The following ADAM10 variants were observed in gnomAD, a reference collection of about 807,000 sequenced individuals.
ADAM10 encodes disintegrin and metalloproteinase domain-containing protein 10.
A neutral mutation model predicts 90.1 loss-of-function variants in ADAM10; 17 were observed. That is an observed-to-expected ratio of 0.19 (90% CI 0.13 to 0.28). The LOEUF is 0.28. Ranked by LOEUF, ADAM10 falls within the 10% of genes least tolerant of loss-of-function variation. The probability of loss-of-function intolerance (pLI) is 1.00; values close to 1 mark genes in which losing one functional copy is unlikely to be tolerated. For synonymous variants in ADAM10, 310 were observed against 298.6 expected (o/e 1.04, Z -0.40); for missense variants, 610 against 914.3 (o/e 0.67, Z 4.29).
chr15:58,688,786 A>ATATATATATATATATATATCTCTCTCTC, intron 2 of ADAM10, among the ~76,000 whole-genome samples: 4 of 122,376 alleles, frequency 3.3e-5, no homozygotes, highest in African/African-American at 1.4e-4. Context: ...ATATATATAT[A>ATATATATATATATATATATCTCTCTCTC]TCTCTCTCTC....
chr15:58,599,740 T>G lies in ADAM10; in HGVS notation c.2026-16A>C, dbSNP rs1895057705. The G allele has an allele frequency of 2.5e-6, 4 of 1,570,486 alleles. No individual in the cohort carries two copies. The highest frequency in any genetic ancestry group is 3.4e-6 in the Non-Finnish European group (4 of 1,171,174). ...ACCAATGAGCCTAGAAATAAACAGA[T>G]TTTTCCACTGAAAAAAAAAAAACTA... On this transcript the variant is annotated splice_polypyrimidine_tract_variant and intron_variant, in intron 14 of 15. Transcript: ENST00000260408.
At chr15:58,693,602 T>G (rs1396593528) in intron 2 of ADAM10, among the ~76,000 whole-genome samples, 1 of 152,118 alleles carries the variant, frequency 6.6e-6, no homozygotes, top group African/African-American at 2.4e-5. Flanking sequence ...CAATACAGAC[T>G]TACATGTAAA....
Position 58,633,128 on chromosome 15 carries a change from A to C in ADAM10, c.1176+68T>G, listed in dbSNP as rs565248976. 3.5e-5 allele frequency: 50 copies of C among 1,445,588 alleles called. No homozygotes were observed. In the South Asian group the frequency reaches 5.6e-4, roughly 16 times the overall value. The allele number at this position is 1,445,588 out of a possible 1,614,324, so 89.5% of individuals were successfully genotyped here. A position where few individuals can be genotyped will look rare whatever the true frequency, so the allele number is the denominator to read the frequency against. On this transcript the variant is annotated intron_variant, in intron 9 of 15. Coordinates refer to ENST00000260408, the MANE Select transcript of ADAM10 (RefSeq NM_001110.4). ...ACATTTGTTTTCACGGTGAATTTTA[A>C]ATAAATCACTCAACATAAAAATTAG...
At chr15:58,627,630 TATAGA>T in intron 10 of ADAM10, 65 bp downstream of exon 10, 1 of 1,396,520 alleles carries the variant, frequency 7.2e-7, no homozygotes. Context: ...CAGTAATCAC[TATAGA>T]ATTCTTTCAA....
chr15:58,703,509 C>G (rs1898190042), intron 2 of ADAM10, among the ~76,000 whole-genome samples: 1 of 152,088 alleles, frequency 6.6e-6, no homozygotes, highest in African/African-American at 2.4e-5. Context: ...GAATATTGTT[C>G]AGCCCTAAAA....
Position 58,656,662 on chromosome 15 carries a change from G to A in ADAM10, c.585+8435C>T, listed in dbSNP as rs190744749. Among the ~76,000 whole-genome samples, 301 of 152,016 alleles carry A rather than the reference G, an allele frequency of 2.0e-3. 1 individual carries two copies. The highest frequency in any genetic ancestry group is 6.8e-3 in the African/African-American group (281 of 41,390). ...TTGTTTCTATTCATGCCTTATTGTA[G>A]TGTCTATATCCTGAAGAGTTATTTT... On this transcript the variant is annotated intron_variant, in intron 5 of 15. Coordinates refer to ENST00000260408, the MANE Select transcript of ADAM10 (RefSeq NM_001110.4).
intron 8 of ADAM10, among the ~76,000 whole-genome samples, chr15:58,635,696 C>T (rs1896232517): frequency 6.6e-6 from 1 of 151,712 alleles, no homozygotes; most frequent in Middle Eastern, 3.4e-3. Context: ...AATATCCTGC[C>T]TTAGTGAAGA....
chr15:58,611,365 A>C (rs1895432765), intron 12 of ADAM10: 1 of 456,590 alleles, frequency 2.2e-6, no homozygotes, highest in Admixed American at 3.8e-5. Flanking sequence ...GCAGAGCAAG[A>C]GATTAGATGA....
intron 3 of ADAM10, among the ~76,000 whole-genome samples, chr15:58,680,626 CA>C (rs1473815798): frequency 1.3e-5 from 2 of 152,144 alleles, no homozygotes; most frequent in Non-Finnish European, 2.9e-5. Flanking sequence ...GCACCAAAAT[CA>C]AATGACATAA....
chr15:58,712,034 T>C (rs1466997883), intron 2 of ADAM10, among the ~76,000 whole-genome samples: 2 of 152,130 alleles, frequency 1.3e-5, no homozygotes, highest in Non-Finnish European at 2.9e-5. Flanking sequence ...CTAAAAGCTA[T>C]AAAAGCGATC....
intron 2 of ADAM10, chr15:58,686,598 G>T: frequency 9.5e-7 from 1 of 1,048,896 alleles, no homozygotes; most frequent in Non-Finnish European, 1.5e-6. Flanking sequence ...TGGGAACCCA[G>T]ATCCTGTGCT....
intron 5 of ADAM10, among the ~76,000 whole-genome samples, 162 bp from the exon 6 acceptor site, chr15:58,646,366 C>G (rs1227605551): frequency 6.6e-6 from 1 of 152,146 alleles, no homozygotes; most frequent in African/African-American, 2.4e-5. Flanking sequence ...GTCTCATAAT[C>G]TTCTCCATAT....
chr15:58,612,082 A>G, intron 11 of ADAM10, 91 bp from the exon 12 acceptor site: 1 of 1,250,142 alleles, frequency 8.0e-7, no homozygotes, highest in South Asian at 1.3e-5. Flanking sequence ...ATTATTAGAC[A>G]TAGTACCAAT....
chr15:58,683,651 C>G (rs1222270775), intron 2 of ADAM10, among the ~76,000 whole-genome samples: 1 of 151,918 alleles, frequency 6.6e-6, no homozygotes, highest in Non-Finnish European at 1.5e-5. Flanking sequence ...CATCTGAGGT[C>G]AGGAGTTCAA....
intron 4 of ADAM10, among the ~76,000 whole-genome samples, chr15:58,665,426 G>A (rs1848247004): frequency 6.6e-6 from 1 of 152,054 alleles, no homozygotes; most frequent in African/African-American, 2.4e-5. Context: ...TCATATAGAT[G>A]ATTTGTGAAT....
intron 11 of ADAM10, among the ~76,000 whole-genome samples, chr15:58,615,799 G>A (rs1002756250): frequency 2.0e-5 from 3 of 152,078 alleles, no homozygotes; most frequent in Non-Finnish European, 4.4e-5. Context: ...CCTGAGGTCA[G>A]GAGTTCAAGA....
At position 58,590,388 on chromosome 15, in the gene ADAM10, A is replaced by G. The variant is rs1894801240; in HGVS notation, c.*7159T>C. 6.6e-6 allele frequency: 1 copy of G among 152,258 alleles called. No homozygotes were observed. The highest frequency in any genetic ancestry group is 2.4e-5 in the African/African-American group (1 of 41,468). The allele number at this position is 152,258 out of a possible 1,614,324, so 9.4% of individuals were successfully genotyped here. A position where few individuals can be genotyped will look rare whatever the true frequency, so the allele number is the denominator to read the frequency against. ...GGGCAGGGAAACTGTTAAGTTCACT[A>G]CTGTATTCTTATCATCTAGCCAAGG... On this transcript the variant is annotated 3_prime_UTR_variant, in exon 16 of 16. Coordinates refer to ENST00000260408, the MANE Select transcript of ADAM10 (RefSeq NM_001110.4).
rs1898078007 is a variant in ADAM10 at position 58,699,692 on chromosome 15, A to AG, written c.207-17379dup. Among the ~76,000 whole-genome samples the AG allele has an allele frequency of 2.0e-5, 3 of 152,236 alleles. No homozygotes were observed. In the East Asian group the frequency reaches 5.8e-4, roughly 29 times the overall value. On this transcript the variant is annotated intron_variant, in intron 2 of 15. Transcript: ENST00000260408. ...AGGGCTGAGGTGGGAGGATCACCTGAGCCCAGGAGGTCAAGGCTGCAGTAA... is the reference window on the plus strand; with the variant it reads ...AGGGCTGAGGTGGGAGGATCACCTGAGGCCCAGGAGGTCAAGGCTGCAGTAA...
intron 12 of ADAM10, 151 bp from the exon 13 acceptor site, chr15:58,611,258 A>C (rs1895430364): frequency 1.5e-6 from 1 of 654,386 alleles, no homozygotes; most frequent in Admixed American, 2.7e-5. Flanking sequence ...TCAAAACTGA[A>C]TTACATAAAT....
Sources: gnomAD v4.1 joint callset for allele counts (sites outside exome capture counted in the v4.1 genomes callset) on GRCh38, gnomAD v4.1.1 for gene constraint, MANE v1.5 for transcripts, NCBI Gene and HGNC (gene_info 2026-07-23, HGNC 2026-07-21) for gene names.